Variants in OSBPL8 observed in about 807,000 individuals in gnomAD.
The protein encoded by OSBPL8 is oxysterol binding protein like 8.
Under a neutral mutation model 125.5 loss-of-function variants are expected in OSBPL8, and 59 were observed. The observed-to-expected ratio is 0.47, with a 90% CI of 0.38 to 0.58. The LOEUF is 0.58. OSBPL8 is among the 20% of genes least tolerant of loss of function. The pLI, the probability that OSBPL8 is intolerant of heterozygous loss-of-function variation, is 0.00. For synonymous variants in OSBPL8, 330 were observed against 338.9 expected (o/e 0.97, Z 0.29); for missense variants, 758 against 1,047.8 (o/e 0.72, Z 3.82).
At chr12:76,476,621 A>AT (rs1478707422) in intron 2 of OSBPL8, among the ~76,000 whole-genome samples, 3 of 152,334 alleles carry the variant, frequency 2.0e-5, no homozygotes, top group Admixed American at 1.3e-4. Flanking sequence ...GAAAATATAC[A>AT]TAAGTTAAGC....
chr12:76,472,503 C>T lies in OSBPL8; in HGVS notation c.43-12608G>A, dbSNP rs541110328. Among the ~76,000 whole-genome samples the T allele has an allele frequency of 1.3e-3, 191 of 152,190 alleles. 1 individual carries two copies. The highest frequency in any genetic ancestry group is 2.8e-4 in the Non-Finnish European group (19 of 68,004). On this transcript the variant is annotated intron_variant, in intron 2 of 23. Transcript: ENST00000261183. ...CCGGGGGACCACTACCACCAAGACG[C>T]GGAGACTGGTAGTGGCCCCGAATGC... is the stretch of plus-strand genomic sequence containing the variant.
At chr12:76,403,255 G>A (rs1252065141) in intron 5 of OSBPL8, among the ~76,000 whole-genome samples, 4 of 152,156 alleles carry the variant, frequency 2.6e-5, no homozygotes, top group African/African-American at 7.2e-5. Context: ...TTCGTACAGC[G>A]TGTAAACACC....
chr12:76,371,111 A>T (rs1215727501), intron 19 of OSBPL8: 2 of 163,546 alleles, frequency 1.2e-5, no homozygotes, highest in African/African-American at 4.8e-5. Context: ...CTAATGCTTA[A>T]ATCAGGTTAG....
intron 1 of OSBPL8, among the ~76,000 whole-genome samples, chr12:76,492,936 ATT>A (rs139829715): frequency 2.7e-5 from 4 of 149,104 alleles, no homozygotes; most frequent in African/African-American, 9.8e-5. Flanking sequence ...ATATATAGAT[ATT>A]TTTTTTTTGC....
chr12:76,456,799 G>A (rs1377999074), intron 3 of OSBPL8, among the ~76,000 whole-genome samples: 2 of 151,956 alleles, frequency 1.3e-5, no homozygotes, highest in Non-Finnish European at 2.9e-5. Flanking sequence ...AAAATCATAA[G>A]AGAAAATACA....
intron 1 of OSBPL8, among the ~76,000 whole-genome samples, chr12:76,511,762 C>T (rs970676324): frequency 3.3e-5 from 5 of 152,132 alleles, no homozygotes; most frequent in African/African-American, 7.2e-5. Context: ...GCTTTTGCTG[C>T]GATTGCTTCT....
chr12:76,469,865 G>A (rs1219419295), intron 2 of OSBPL8, among the ~76,000 whole-genome samples: 1 of 151,568 alleles, frequency 6.6e-6, no homozygotes, highest in Non-Finnish European at 1.5e-5. Flanking sequence ...TGGCACCATT[G>A]TGGACACTCA....
intron 2 of OSBPL8, among the ~76,000 whole-genome samples, chr12:76,468,379 A>C (rs1035590053): frequency 6.6e-6 from 1 of 152,190 alleles, no homozygotes; most frequent in Non-Finnish European, 1.5e-5. Flanking sequence ...ACTTAGCTAA[A>C]ATTCTGTCTA....
In OSBPL8 at chr12:76,369,703, T is replaced by C; in HGVS notation, c.2174A>G (p.Glu725Gly). The change falls in exon 20 of 24, where the codon GAA becomes GGA. Residue 725 changes from glutamate to glycine, a missense_variant. By Grantham distance (98) the Glu-to-Gly change is moderately conservative. Around this residue, in one of 3 missense-constraint regions of OSBPL8, gnomAD observed 572 missense variants for 762.0 expected, o/e 0.75. Coordinates refer to ENST00000261183, the MANE Select transcript of OSBPL8 (RefSeq NM_020841.5). ...QAARDRKTKN[E>G]EWSCKLFELD... ...TTCAAATAATTTGCAAGACCACTCT[T>C]CATTTTTTGTTTTCCGATCCCTGGC... 6.2e-7 allele frequency: 1 copy of C among 1,613,778 alleles called. No individual in the cohort carries two copies. Among genetic ancestry groups the C allele is most frequent in the Non-Finnish European group, 8.5e-7 (1 of 1,179,770 alleles).
At chr12:76,374,751 T>C (rs1952747046) in intron 17 of OSBPL8, among the ~76,000 whole-genome samples, 1 of 152,106 alleles carries the variant, frequency 6.6e-6, no homozygotes. Flanking sequence ...CCCCAGACAT[T>C]ATGAAGCAGA....
intron 1 of OSBPL8, among the ~76,000 whole-genome samples, chr12:76,494,903 G>T (rs1258947984): frequency 6.6e-6 from 1 of 152,128 alleles, no homozygotes; most frequent in African/African-American, 2.4e-5. Context: ...ACATATTGAT[G>T]GCATTTAAAT....
chr12:76,403,315 C>T (rs1954127778), intron 5 of OSBPL8, among the ~76,000 whole-genome samples: 1 of 152,186 alleles, frequency 6.6e-6, no homozygotes, highest in Non-Finnish European at 1.5e-5. Context: ...GTAGGATTTC[C>T]TCACTAAATT....
intron 1 of OSBPL8, among the ~76,000 whole-genome samples, chr12:76,541,055 C>T (rs1039519371): frequency 6.6e-6 from 1 of 152,220 alleles, no homozygotes; most frequent in African/African-American, 2.4e-5. Context: ...CCAACGGCTA[C>T]TATCCCTAGT....
intron 1 of OSBPL8, among the ~76,000 whole-genome samples, chr12:76,556,453 G>C (rs770913414): frequency 1.3e-5 from 1 of 74,732 alleles, no homozygotes; most frequent in Non-Finnish European, 2.5e-5. Context: ...GAGGGATGGG[G>C]ACCAAGGTGG....
chr12:76,477,832 A>C (rs1274575645), intron 2 of OSBPL8, among the ~76,000 whole-genome samples: 1 of 152,112 alleles, frequency 6.6e-6, no homozygotes, highest in African/African-American at 2.4e-5. Flanking sequence ...TGTAAACCTA[A>C]TACTGTTCTA....
chr12:76,443,759 G>C (rs1382988153), intron 4 of OSBPL8, among the ~76,000 whole-genome samples: 1 of 151,982 alleles, frequency 6.6e-6, no homozygotes, highest in East Asian at 1.9e-4. Context: ...TGCCCCCCTT[G>C]GCCTCCCAAA....
chr12:76,433,722 C>A (rs1225880495), intron 4 of OSBPL8, among the ~76,000 whole-genome samples: 1 of 152,050 alleles, frequency 6.6e-6, no homozygotes, highest in African/African-American at 2.4e-5. Flanking sequence ...CACCTGTAAT[C>A]CCAGCACTTT....
chr12:76,526,240 TAA>T (rs1267755254), intron 1 of OSBPL8, among the ~76,000 whole-genome samples: 1 of 152,200 alleles, frequency 6.6e-6, no homozygotes. Context: ...TGTATACATT[TAA>T]AAAAAGTTTC....
intron 23 of OSBPL8, 109 bp downstream of exon 23, chr12:76,356,517 C>CT: frequency 1.5e-6 from 1 of 662,582 alleles, no homozygotes; most frequent in Non-Finnish European, 2.5e-6. Flanking sequence ...TGTATTTTAG[C>CT]TTAGCTAAAT....
Sources: allele counts gnomAD v4.1 joint callset (sites outside exome capture counted in the v4.1 genomes callset), GRCh38; gene constraint gnomAD v4.1.1; regional missense constraint gnomAD v4.1.1; transcripts MANE v1.5; gene names NCBI Gene and HGNC (gene_info 2026-07-23, HGNC 2026-07-21).